The following CDH26 variants were observed in gnomAD, a reference collection of about 807,000 sequenced individuals.
CDH26 encodes cadherin 26.
Under a neutral mutation model 90.3 loss-of-function variants are expected in CDH26, and 83 were observed. The observed-to-expected ratio is 0.92, with a 90% CI of 0.77 to 1.10. CDH26 has a LOEUF of 1.10. Among genes scored for constraint, CDH26 ranks in the 50% least tolerant of loss-of-function variants. The probability of loss-of-function intolerance (pLI) is 0.00; values close to 1 mark genes in which losing one functional copy is unlikely to be tolerated. For missense variants in CDH26, 1,013 were observed against 1,037.6 expected (o/e 0.98, Z 0.33); for synonymous variants, 397 against 396.3 (o/e 1.00, Z -0.02).
chr20:60,006,654 G>A (rs1300785655), intron 16 of CDH26, 59 bp from the exon 17 acceptor site: 5 of 1,244,358 alleles, frequency 4.0e-6, no homozygotes, highest in Non-Finnish European at 5.9e-6. Context: ...GACACACAGG[G>A]GTTGGGGGGT....
At chr20:60,032,163 G>T (rs1157819984) in intron 8 of CDH26, among the ~76,000 whole-genome samples, 1 of 152,234 alleles carries the variant, frequency 6.6e-6, no homozygotes, top group Non-Finnish European at 1.5e-5. Context: ...ATCAGTCGGA[G>T]AAATTAATGC....
Position 59,989,151 on chromosome 20 carries a change from A to C in CDH26, c.1271A>C (p.Asp424Ala), listed in dbSNP as rs746864360. 1.2e-5 allele frequency: 19 copies of C among 1,614,084 alleles called. No homozygotes were observed. The highest frequency in any genetic ancestry group is 1.5e-5 in the Non-Finnish European group (18 of 1,180,032). Residue 424 changes from aspartate to alanine, a missense_variant, in exon 9 of 18, where the codon GAC (aspartate) becomes GCC (alanine). Transcript: ENST00000348616. The part of the protein sequence containing the change: ...LLGTFNAMDP[D>A]SQIRYELVHD... ...GGAACTTTTAATGCCATGGATCCAG[A>C]CAGCCAGATAAGGTGAGAAGAGAGG...
intron 7 of CDH26, among the ~76,000 whole-genome samples, chr20:60,026,204 C>T (rs140556491): frequency 0.012 from 1,817 of 152,284 alleles, 20 homozygotes; most frequent in Middle Eastern, 0.024. Context: ...GTGAAGACAT[C>T]CTCCCAAGAT....
At chr20:60,004,791 G>GA (rs1290247272) in intron 16 of CDH26, among the ~76,000 whole-genome samples, 5 of 137,288 alleles carry the variant, frequency 3.6e-5, no homozygotes, top group African/African-American at 1.1e-4. Context: ...AAAAAGAAAA[G>GA]AAAAAAACAC....
intron 7 of CDH26, among the ~76,000 whole-genome samples, chr20:60,025,550 G>A (rs909017766): frequency 2.0e-5 from 3 of 152,262 alleles, no homozygotes; most frequent in Non-Finnish European, 4.4e-5. Context: ...GGGGTAAGCA[G>A]GTGGGTGATC....
chr20:59,972,124 G>C lies in CDH26; in HGVS notation c.393+1G>C. ...TCGAGAAATGACACCATCTTTCACG[G>C]TATCTAAAACTTGATATATTCTAAG... On this transcript the variant is annotated splice_donor_variant, in intron 4 of 17. Coordinates refer to ENST00000348616, the MANE Select transcript of CDH26 (RefSeq NM_177980.4). LOFTEE classifies it high-confidence loss of function. The C allele has an allele frequency of 6.2e-7, 1 of 1,613,170 alleles. No individual in the cohort carries two copies. The highest frequency in any genetic ancestry group is 8.5e-7 in the Non-Finnish European group (1 of 1,179,480).
At chr20:59,978,815 A>G (rs2145980791) in intron 4 of CDH26, among the ~76,000 whole-genome samples, 1 of 152,310 alleles carries the variant, frequency 6.6e-6, no homozygotes, top group African/African-American at 2.4e-5. Flanking sequence ...AAAATATAAC[A>G]TTCACTCTTC....
At chr20:60,033,640 G>T (rs761076478) in exon 9 of CDH26, 2 of 1,304,674 alleles carry the variant, frequency 1.5e-6, no homozygotes, top group Non-Finnish European at 2.0e-6. Context: ...GAGGAGAATC[G>T]GCAGGTGGTC....
At chr20:60,001,734 C>G in intron 15 of CDH26, 1 of 651,970 alleles carries the variant, frequency 1.5e-6, no homozygotes, top group Non-Finnish European at 1.9e-6. Context: ...GTTAAAAGCA[C>G]AGCACTTTGG....
In CDH26 at chr20:59,995,938, A is replaced by G. The variant is rs2094275117; in HGVS notation, c.1772A>G (p.His591Arg). The part of the protein sequence containing the change: ...KQGLSQKQTV[H>R]VRICPCASGL... ...GGACTTTCCCAGAAGCAAACTGTCC[A>G]TGTAAGGATCTGCCCCTGTGCCAGT... The change falls in exon 12 of 18, where the codon CAT (histidine) becomes CGT (arginine). Residue 591 changes from histidine (H) to arginine (R), a missense_variant. His to Arg is a conservative substitution (Grantham distance 29, BLOSUM62 0). Transcript: ENST00000348616. The G allele has an allele frequency of 1.2e-6, 2 of 1,614,222 alleles. No individual in the cohort carries two copies. Among genetic ancestry groups the G allele is most frequent in the Non-Finnish European group, 1.7e-6 (2 of 1,180,042 alleles).
intron 1 of CDH26, 142 bp from the exon 2 acceptor site, chr20:59,968,825 A>G (rs1475839338): frequency 6.6e-6 from 3 of 451,468 alleles, no homozygotes; most frequent in African/African-American, 4.0e-5. Context: ...GATGTAGAGG[A>G]TAAGAAATTC....
chr20:59,987,853 A>C (rs116720947), intron 8 of CDH26, among the ~76,000 whole-genome samples: 1,655 of 152,294 alleles, frequency 0.011, 41 homozygotes, highest in African/African-American at 0.038. Flanking sequence ...ATCAATAATA[A>C]AACTTATTTT....
intron 17 of CDH26, 79 bp from the exon 18 acceptor site, chr20:60,012,448 C>A: frequency 7.3e-7 from 1 of 1,368,084 alleles, no homozygotes; most frequent in Non-Finnish European, 1.0e-6. Context: ...TTGATGTGTT[C>A]CTCGAATCAA....
chr20:60,029,509 G>A (rs1223877330), intron 7 of CDH26, among the ~76,000 whole-genome samples: 1 of 152,044 alleles, frequency 6.6e-6, no homozygotes, highest in Non-Finnish European at 1.5e-5. Flanking sequence ...GGATACATGT[G>A]CAGAAGGTGC....
rs149046624 is a variant in CDH26, at chr20:59,973,197, G to C, written c.393+1074G>C. On this transcript the variant is annotated intron_variant, in intron 4 of 17. Transcript: ENST00000348616. Reference sequence around the variant, plus strand: ...ATGCAGATTCTGTTTTAGTAGGTCAGGGTGAAGCCTGAAAGCCTGCATGTC... The same window carrying C: ...ATGCAGATTCTGTTTTAGTAGGTCACGGTGAAGCCTGAAAGCCTGCATGTC... Among the ~76,000 whole-genome samples the C allele has an allele frequency of 1.2e-4, 18 of 152,314 alleles. No homozygotes were observed. In the East Asian group the frequency reaches 3.5e-3, roughly 29 times the overall value.
chr20:59,982,853 A>T, intron 4 of CDH26, 70 bp from the exon 5 acceptor site: 1 of 1,535,358 alleles, frequency 6.5e-7, no homozygotes, highest in Middle Eastern at 1.7e-4. Flanking sequence ...TAATTAGGAT[A>T]ACAGTTATTT....
chr20:60,008,477 T>TC (rs2061783585), intron 17 of CDH26, among the ~76,000 whole-genome samples: 1 of 152,014 alleles, frequency 6.6e-6, no homozygotes, highest in East Asian at 1.9e-4. Context: ...AAAGCAGCAA[T>TC]CCCCAGTACC....
intron 7 of CDH26, among the ~76,000 whole-genome samples, chr20:60,026,001 TG>T (rs2061993793): frequency 6.6e-6 from 1 of 152,126 alleles, no homozygotes; most frequent in African/African-American, 2.4e-5. Context: ...GTGGAATCTG[TG>T]GTGTTAGCTT....
At chr20:60,033,690 T>A in exon 9 of CDH26, 3 of 1,298,900 alleles carry the variant, frequency 2.3e-6, no homozygotes, top group Non-Finnish European at 3.0e-6. Context: ...GAGAGTACGG[T>A]GGAGGGGCAT....
Sources: allele counts gnomAD v4.1 joint callset (sites outside exome capture counted in the v4.1 genomes callset), GRCh38; gene constraint gnomAD v4.1.1; transcripts MANE v1.5; gene names NCBI Gene and HGNC (gene_info 2026-07-23, HGNC 2026-07-21).